The following ADRA1B variants were observed in gnomAD, a reference collection of about 807,000 sequenced individuals.
The protein encoded by ADRA1B is alpha-1B adrenergic receptor.
Under a neutral mutation model 17.9 loss-of-function variants are expected in ADRA1B, and 17 were observed. That is an observed-to-expected ratio of 0.95 (90% CI 0.65 to 1.42). ADRA1B has a LOEUF of 1.42. ADRA1B is among the 40% of genes most tolerant of loss of function. The pLI is 0.00. For synonymous variants in ADRA1B, 366 were observed against 327.6 expected (o/e 1.12, Z -1.27); for missense variants, 681 against 722.1 (o/e 0.94, Z 0.65).
chr5:159,978,546 G>A, the ADRA1B span, among the ~76,000 whole-genome samples: 1 of 152,180 alleles, frequency 6.6e-6, no homozygotes, highest in East Asian at 1.9e-4. Context: ...GCCCTCTCTA[G>A]GGCTCTGTCT....
intron 1 of ADRA1B, among the ~76,000 whole-genome samples, chr5:159,964,825 G>C (rs1323498086): frequency 2.6e-5 from 4 of 152,212 alleles, no homozygotes; most frequent in African/African-American, 9.6e-5. Flanking sequence ...AGTGGTACTG[G>C]TGGTAACAGC....
intron 1 of ADRA1B, among the ~76,000 whole-genome samples, chr5:159,890,410 G>A (rs977960481): frequency 1.3e-5 from 2 of 152,124 alleles, no homozygotes; most frequent in Admixed American, 1.3e-4. Flanking sequence ...ACCTCAAAAC[G>A]TAGAGGCTTA....
downstream of ADRA1B, among the ~76,000 whole-genome samples, chr5:159,973,415 C>A (rs1052816346): frequency 6.6e-6 from 1 of 152,152 alleles, no homozygotes; most frequent in Non-Finnish European, 1.5e-5. Context: ...TGGGGTTCCC[C>A]GGCCAGTCCC....
intron 1 of ADRA1B, among the ~76,000 whole-genome samples, chr5:159,970,749 A>G (rs1755850968): frequency 6.6e-6 from 1 of 152,198 alleles, no homozygotes. Context: ...ACTTGGAACT[A>G]TGCAGCTTCC....
chr5:159,972,497 C>A lies in ADRA1B; in HGVS notation c.*5C>A. 8.2e-7 allele frequency: 1 copy of A among 1,225,702 alleles called. No homozygotes were observed. The highest frequency in any genetic ancestry group is 1.0e-6 in the Non-Finnish European group (1 of 964,866). The allele number at this position is 1,225,702 out of a possible 1,614,324, so 75.9% of individuals were successfully genotyped here. ...CTGGCGCCCGGGCAGTTTTAGGGCCCCCGTGCGCAGCTTTCTTTCCCTGGG... is the reference window on the plus strand; with the variant it reads ...CTGGCGCCCGGGCAGTTTTAGGGCCACCGTGCGCAGCTTTCTTTCCCTGGG... On this transcript the variant is annotated 3_prime_UTR_variant, in exon 2 of 2. Transcript: ENST00000306675.
intron 1 of ADRA1B, among the ~76,000 whole-genome samples, chr5:159,895,957 C>T (rs553512350): frequency 7.2e-5 from 11 of 152,344 alleles, no homozygotes; most frequent in African/African-American, 2.4e-4. Context: ...GCAAGTATCT[C>T]TTCTGTCTCA....
the ADRA1B span, among the ~76,000 whole-genome samples, chr5:159,979,452 A>G: frequency 6.6e-6 from 1 of 152,182 alleles, no homozygotes; most frequent in Admixed American, 6.5e-5. Context: ...TGTTCAGTAG[A>G]TGGAAGTTAT....
chr5:159,876,104 G>A (rs767950151), intron 1 of ADRA1B, among the ~76,000 whole-genome samples: 8 of 152,140 alleles, frequency 5.3e-5, no homozygotes, highest in African/African-American at 9.7e-5. Flanking sequence ...CAGGAGAATC[G>A]CTTGAACTCA....
At chr5:159,987,305 C>A in the ADRA1B span, among the ~76,000 whole-genome samples, 2 of 152,228 alleles carry the variant, frequency 1.3e-5, no homozygotes, top group African/African-American at 4.8e-5. Context: ...CGCCCAGGTG[C>A]GCGGGTCTCT....
At chr5:159,951,269 G>A in intron 1 of ADRA1B, 2 of 1,175,962 alleles carry the variant, frequency 1.7e-6, no homozygotes, top group Non-Finnish European at 2.5e-6. Flanking sequence ...CTTGCTCCTG[G>A]AAGATGGTGA....
At chr5:159,872,516 G>A (rs1399946190) in intron 1 of ADRA1B, among the ~76,000 whole-genome samples, 1 of 152,174 alleles carries the variant, frequency 6.6e-6, no homozygotes, top group Non-Finnish European at 1.5e-5. Flanking sequence ...TACAGAAAGG[G>A]ACATGGAGCT....
chr5:159,937,240 T>A (rs1411559178), intron 1 of ADRA1B, among the ~76,000 whole-genome samples: 1 of 152,224 alleles, frequency 6.6e-6, no homozygotes, highest in African/African-American at 2.4e-5. Context: ...CGCTGGCACT[T>A]GCCTGGTGTC....
At chr5:159,918,324 G>A (rs1472170071) in intron 1 of ADRA1B, among the ~76,000 whole-genome samples, 1 of 152,214 alleles carries the variant, frequency 6.6e-6, no homozygotes, top group Non-Finnish European at 1.5e-5. Context: ...CATTTCCAGG[G>A]CTAGAGCAGA....
chr5:159,938,837 C>T (rs1755026714), intron 1 of ADRA1B, among the ~76,000 whole-genome samples: 1 of 152,168 alleles, frequency 6.6e-6, no homozygotes. Context: ...CTCTTAAGTC[C>T]TCAGCGATGC....
intron 1 of ADRA1B, among the ~76,000 whole-genome samples, chr5:159,895,602 T>C (rs1251326934): frequency 6.6e-6 from 1 of 152,216 alleles, no homozygotes; most frequent in Non-Finnish European, 1.5e-5. Context: ...CAAACCACTA[T>C]GGCAGACGTT....
intron 1 of ADRA1B, among the ~76,000 whole-genome samples, chr5:159,936,157 G>T (rs1480949766): frequency 1.3e-5 from 2 of 152,178 alleles, no homozygotes; most frequent in African/African-American, 4.8e-5. Flanking sequence ...TGTCACACTG[G>T]GGGTGCTACT....
At chr5:159,887,515 G>A (rs1369813907) in intron 1 of ADRA1B, among the ~76,000 whole-genome samples, 2 of 152,100 alleles carry the variant, frequency 1.3e-5, no homozygotes, top group East Asian at 1.9e-4. Context: ...CTATCCAGTT[G>A]ACCAAAATAT....
intron 1 of ADRA1B, among the ~76,000 whole-genome samples, chr5:159,898,031 C>T (rs993022634): frequency 6.6e-6 from 1 of 152,224 alleles, no homozygotes; most frequent in African/African-American, 2.4e-5. Context: ...CATCCCCTTC[C>T]CTCTCTTCCC....
intron 1 of ADRA1B, among the ~76,000 whole-genome samples, chr5:159,961,538 C>G (rs1490633477): frequency 6.6e-6 from 1 of 152,204 alleles, no homozygotes; most frequent in Non-Finnish European, 1.5e-5. Context: ...CTGGTGCTGA[C>G]AGAAGCAGCA....
Sources: gnomAD v4.1 joint callset for allele counts (sites outside exome capture counted in the v4.1 genomes callset) on GRCh38, gnomAD v4.1.1 for gene constraint, MANE v1.5 for transcripts, NCBI Gene and HGNC (gene_info 2026-07-23, HGNC 2026-07-21) for gene names.